IQCM: variants seen among roughly 807,000 people sequenced by gnomAD.
IQCM encodes the protein IQ motif containing M.
Under a neutral mutation model 57.6 loss-of-function variants are expected in IQCM, and 45 were observed. The ratio of observed to expected loss-of-function variants is 0.78; its 90% CI spans 0.62 to 1.00. The LOEUF (loss-of-function observed/expected upper bound fraction) is 1.00. Ranked by LOEUF, IQCM falls within the 50% of genes least tolerant of loss-of-function variation. The pLI is 0.00. For missense variants in IQCM, 468 were observed against 511.6 expected, an observed-to-expected ratio of 0.91 and a Z score of 0.82; for synonymous variants, 148 against 158.9, an observed-to-expected ratio of 0.93 and a Z score of 0.51.
intron 2 of IQCM, among the ~76,000 whole-genome samples, chr4:149,747,809 C>T (rs1026719109): frequency 6.6e-6 from 1 of 152,142 alleles, no homozygotes; most frequent in African/African-American, 2.4e-5. Flanking sequence ...CAGAAACCTT[C>T]CTCTAAATTT....
chr4:149,585,759 G>A (rs1371106702), intron 9 of IQCM, among the ~76,000 whole-genome samples: 1 of 151,646 alleles, frequency 6.6e-6, no homozygotes, highest in African/African-American at 2.4e-5. Context: ...ATATCACTAT[G>A]CTGTGAGGTG....
At chr4:149,459,103 G>T (rs1190857209) in intron 12 of IQCM, among the ~76,000 whole-genome samples, 1 of 152,164 alleles carries the variant, frequency 6.6e-6, no homozygotes, top group Non-Finnish European at 1.5e-5. Flanking sequence ...ACACAACAAT[G>T]TTCCAAATAC....
intron 9 of IQCM, among the ~76,000 whole-genome samples, chr4:149,568,606 G>A (rs971004774): frequency 1.1e-4 from 16 of 152,012 alleles, no homozygotes; most frequent in African/African-American, 3.4e-4. Context: ...GAGCCACAAG[G>A]TGAAACTCTG....
At chr4:149,699,243 T>C (rs1460417321) in intron 5 of IQCM, among the ~76,000 whole-genome samples, 1 of 152,066 alleles carries the variant, frequency 6.6e-6, no homozygotes, top group Non-Finnish European at 1.5e-5. Context: ...TTCTCCCATG[T>C]CAGTTATAAG....
At chr4:149,717,297 T>A (rs1053862847) in intron 5 of IQCM, among the ~76,000 whole-genome samples, 7 of 152,080 alleles carry the variant, frequency 4.6e-5, no homozygotes, top group Non-Finnish European at 1.0e-4. Context: ...TCCAGGTACA[T>A]AGTGTCAGAT....
At chr4:149,643,161 C>T (rs1279059977) in intron 7 of IQCM, among the ~76,000 whole-genome samples, 1 of 152,098 alleles carries the variant, frequency 6.6e-6, no homozygotes, top group East Asian at 1.9e-4. Flanking sequence ...ATTGTAACGC[C>T]TAGTATTTCA....
At chr4:149,488,696 G>A (rs1482048331) in intron 12 of IQCM, among the ~76,000 whole-genome samples, 6 of 152,180 alleles carry the variant, frequency 3.9e-5, no homozygotes, top group East Asian at 1.9e-4. Context: ...GGTCATAACC[G>A]CCTCTTTTCA....
intron 12 of IQCM, among the ~76,000 whole-genome samples, chr4:149,512,313 T>C (rs72955460): frequency 0.019 from 2,912 of 152,114 alleles, 60 homozygotes; most frequent in African/African-American, 0.055. Context: ...GTGGAGAAAA[T>C]GGTATAGAAA....
intron 2 of IQCM, among the ~76,000 whole-genome samples, chr4:149,808,551 T>C (rs1774283589): frequency 6.6e-6 from 1 of 152,160 alleles, no homozygotes; most frequent in South Asian, 2.1e-4. Context: ...AAGAGAATAA[T>C]TATAATGTTC....
chr4:149,762,169 G>C (rs1769584338), intron 2 of IQCM, among the ~76,000 whole-genome samples: 1 of 151,612 alleles, frequency 6.6e-6, no homozygotes, highest in South Asian at 2.1e-4. Context: ...AATAATTAAA[G>C]GTGCAAGCTT....
At chr4:149,697,376 C>A (rs1298171909) in intron 5 of IQCM, among the ~76,000 whole-genome samples, 1 of 151,726 alleles carries the variant, frequency 6.6e-6, no homozygotes, top group Non-Finnish European at 1.5e-5. Flanking sequence ...TGCACTTGTA[C>A]CCTAGAACTT....
intron 12 of IQCM, among the ~76,000 whole-genome samples, chr4:149,463,647 A>G (rs1020916686): frequency 6.6e-6 from 1 of 152,228 alleles, no homozygotes; most frequent in Non-Finnish European, 1.5e-5. Flanking sequence ...TAAATAGTGC[A>G]TTATTGTAAC....
At chr4:149,519,384 G>A (rs892834850) in intron 12 of IQCM, among the ~76,000 whole-genome samples, 2 of 152,318 alleles carry the variant, frequency 1.3e-5, no homozygotes, top group South Asian at 4.1e-4. Flanking sequence ...CACTTTGGGA[G>A]GCCGAGGCAG....
intron 2 of IQCM, among the ~76,000 whole-genome samples, chr4:149,745,750 T>C (rs1561226707): frequency 1.3e-5 from 2 of 152,118 alleles, no homozygotes; most frequent in Non-Finnish European, 2.9e-5. Context: ...GGCAGAACAA[T>C]TGCTTGAGCC....
intron 8 of IQCM, among the ~76,000 whole-genome samples, chr4:149,606,018 G>A: frequency 6.6e-6 from 1 of 152,192 alleles, no homozygotes; most frequent in East Asian, 1.9e-4. Context: ...AGCTCTGATA[G>A]GACAGACCCA....
chr4:149,590,428 C>G (rs1257407509), intron 8 of IQCM, among the ~76,000 whole-genome samples: 2 of 151,738 alleles, frequency 1.3e-5, no homozygotes, highest in Non-Finnish European at 2.9e-5. Context: ...CTTCTTTACA[C>G]AGCCACTACC....
At position 149,592,935 on chromosome 4, in the gene IQCM, T is replaced by C. The variant is rs571751751; in HGVS notation, c.682-4938A>G. Among the ~76,000 whole-genome samples the C allele has an allele frequency of 9.8e-5, 15 of 152,350 alleles. No homozygotes were observed. The East Asian group carries it at 2.7e-3, about 27-fold the overall frequency. ...TTTTGGCTTAGGATTGTCTTGGCTA[T>C]GTGGGCTCTTTTTTGGTTGCATATG... On this transcript the variant is annotated intron_variant, in intron 8 of 13. Transcript: ENST00000636793.
At chr4:149,597,516 G>A (rs555490760) in intron 8 of IQCM, among the ~76,000 whole-genome samples, 46 of 151,964 alleles carry the variant, frequency 3.0e-4, no homozygotes, top group Admixed American at 2.0e-3. Context: ...TCAGCCTCCC[G>A]AGTAGCTGGG....
At chr4:149,722,640 T>C (rs1037530687) in intron 5 of IQCM, among the ~76,000 whole-genome samples, 7 of 152,070 alleles carry the variant, frequency 4.6e-5, no homozygotes, top group Non-Finnish European at 8.8e-5. Context: ...TCTGTTCTAT[T>C]GACTTGTGTG....
Sources: allele counts gnomAD v4.1 joint callset (sites outside exome capture counted in the v4.1 genomes callset), GRCh38; gene constraint gnomAD v4.1.1; transcripts MANE v1.5; gene names NCBI Gene and HGNC (gene_info 2026-07-23, HGNC 2026-07-21).